CSN3: variants seen among roughly 807,000 people sequenced by gnomAD.
CSN3 encodes kappa-casein.
CSN3 carries 7 observed loss-of-function variants against 9.9 expected under a neutral mutation model. That is an observed-to-expected ratio of 0.71 (90% CI 0.40 to 1.33). CSN3 has a LOEUF of 1.33. CSN3 is among the 40% of genes most tolerant of loss of function. The pLI is 0.01. For synonymous variants in CSN3, 88 were observed against 82.3 expected (o/e 1.07, Z -0.37); for missense variants, 253 against 227.9 (o/e 1.11, Z -0.71).
At chr4:70,238,812 A>G (rs1170722674), upstream of CSN3, among the ~76,000 whole-genome samples, 1 of 151,782 alleles carries the variant, frequency 6.6e-6, no homozygotes, top group Non-Finnish European at 1.5e-5. Context: ...AAGATGACCT[A>G]TAGGAGTCAC....
chr4:70,249,833 A>G (rs71599933), intron 4 of CSN3, among the ~76,000 whole-genome samples: 16,810 of 152,220 alleles, frequency 0.11, 994 homozygotes, highest in Non-Finnish European at 0.14. Context: ...AGCAAGTAAC[A>G]TTTTCATGAT....
intron 1 of CSN3, 57 bp from the exon 2 acceptor site, chr4:70,244,755 C>G (rs1730341373): frequency 2.0e-6 from 2 of 1,023,510 alleles, no homozygotes; most frequent in East Asian, 3.1e-5. Context: ...TCAAGTCACT[C>G]CTAAATTTCT....
At chr4:70,250,522 A>T (rs1266635857) in intron 4 of CSN3, among the ~76,000 whole-genome samples, 1 of 152,146 alleles carries the variant, frequency 6.6e-6, no homozygotes, top group African/African-American at 2.4e-5. Context: ...TTAAAAACTG[A>T]TCAATCTGTA....
At position 70,251,244 on chromosome 4, in the gene CSN3, T is replaced by C. The variant is rs1730476081; in HGVS notation, c.*35-18T>C. 1.4e-4 allele frequency: 21 copies of C among 152,172 alleles called. No homozygotes were observed. Among genetic ancestry groups the C allele is most frequent in the Admixed American group, 1.4e-3 (21 of 15,268 alleles). The allele number at this position is 152,172 out of a possible 1,614,324, so 9.4% of individuals were successfully genotyped here. On this transcript the variant is annotated intron_variant, in intron 4 of 4. Transcript: ENST00000304954. Reference sequence around the variant, plus strand: ...ACATACTATGAATAAATTTCTAAACTATCATTATTTTTTATAGGACTTGCT... The same window carrying C: ...ACATACTATGAATAAATTTCTAAACCATCATTATTTTTTATAGGACTTGCT...
intron 2 of CSN3, among the ~76,000 whole-genome samples, chr4:70,245,604 G>A (rs1250433410): frequency 1.3e-5 from 2 of 151,866 alleles, no homozygotes; most frequent in African/African-American, 2.4e-5. Flanking sequence ...GTTCATCTGG[G>A]TATTCTAGGC....
chr4:70,243,190 A>G (rs187170772), intron 1 of CSN3: 16 of 972,968 alleles, frequency 1.6e-5, no homozygotes, highest in Admixed American at 1.2e-4. Flanking sequence ...GCTGATGCGC[A>G]AAGTATGGTC....
At chr4:70,248,476 A>G (rs1371416757) in intron 3 of CSN3, among the ~76,000 whole-genome samples, 1 of 152,156 alleles carries the variant, frequency 6.6e-6, no homozygotes, top group Non-Finnish European at 1.5e-5. Flanking sequence ...TCCACATCAC[A>G]TTATGTTACT....
chr4:70,242,532 A>C (rs1730293932), upstream of CSN3: 1 of 150,806 alleles, frequency 6.6e-6, no homozygotes, highest in Non-Finnish European at 1.5e-5. Context: ...AAAAAGTAGG[A>C]GGGAAATAGA....
chr4:70,249,625 A>C, intron 4 of CSN3, 132 bp downstream of exon 4: 1 of 618,970 alleles, frequency 1.6e-6, no homozygotes, highest in Non-Finnish European at 2.8e-6. Context: ...GGGTACTTAC[A>C]GTTTTACCTT....
At chr4:70,241,209 T>G (rs1488272530), upstream of CSN3, among the ~76,000 whole-genome samples, 3 of 152,142 alleles carry the variant, frequency 2.0e-5, no homozygotes, top group South Asian at 4.1e-4. Context: ...AGGAAAACAC[T>G]GTGACTAAAT....
intron 2 of CSN3, 45 bp from the exon 3 acceptor site, chr4:70,247,773 T>C (rs888655505): frequency 2.0e-5 from 31 of 1,521,622 alleles, no homozygotes; most frequent in Non-Finnish European, 2.5e-5. Flanking sequence ...TTTTTTTTTC[T>C]TTTTTAACTT....
At chr4:70,247,747 T>A in intron 2 of CSN3, 71 bp from the exon 3 acceptor site, 1 of 1,258,772 alleles carries the variant, frequency 7.9e-7, no homozygotes, top group South Asian at 1.4e-5. Context: ...AAGATTTTTT[T>A]AACTGATTTA....
chr4:70,246,951 G>A (rs1020919090), intron 2 of CSN3, among the ~76,000 whole-genome samples: 1 of 151,826 alleles, frequency 6.6e-6, no homozygotes. Context: ...GGATTACAGG[G>A]TGAGACATGT....
chr4:70,239,210 T>G (rs1040586005), upstream of CSN3, among the ~76,000 whole-genome samples: 6 of 149,892 alleles, frequency 4.0e-5, no homozygotes, highest in African/African-American at 9.7e-5. Context: ...CAGCTTTAAG[T>G]GACTCGAGGG....
exon 4 of CSN3, chr4:70,249,388 G>C: frequency 6.2e-7 from 1 of 1,614,076 alleles, no homozygotes; most frequent in East Asian, 2.2e-5. Context: ...CACTCCAGAA[G>C]CTTTTTCAGA....
At chr4:70,247,407 T>C (rs17654723) in intron 2 of CSN3, among the ~76,000 whole-genome samples, 15,182 of 152,224 alleles carry the variant, frequency 0.1, 970 homozygotes, top group Admixed American at 0.18. Flanking sequence ...TTATGAATCA[T>C]CTTAGTATGA....
At chr4:70,248,882 C>A in intron 3 of CSN3, 116 bp from the exon 4 acceptor site, 1 of 654,412 alleles carries the variant, frequency 1.5e-6, no homozygotes, top group Non-Finnish European at 2.5e-6. Flanking sequence ...GGGTTCCATA[C>A]TTCTAATATC....
upstream of CSN3, among the ~76,000 whole-genome samples, chr4:70,241,182 C>T (rs1020050917): frequency 1.2e-4 from 18 of 151,898 alleles, no homozygotes; most frequent in South Asian, 4.2e-4. Flanking sequence ...CTTTCAACCA[C>T]GGACCCTGAT....
At chr4:70,247,879 A>G (rs371460325) in intron 3 of CSN3, 29 bp downstream of exon 3, 18 of 1,565,714 alleles carry the variant, frequency 1.1e-5, no homozygotes, top group Non-Finnish European at 1.5e-5. Flanking sequence ...CTTCTGTTAC[A>G]GGCATGAACT....
Sources: allele counts gnomAD v4.1 joint callset (sites outside exome capture counted in the v4.1 genomes callset), GRCh38; gene constraint gnomAD v4.1.1; transcripts MANE v1.5; gene names NCBI Gene and HGNC (gene_info 2026-07-23, HGNC 2026-07-21).